Variants in GK5 observed in about 807,000 individuals in gnomAD.
The protein encoded by GK5 is glycerol kinase 5, also known as ATP:glycerol 3-phosphotransferase 5.
Under a neutral mutation model 77.3 loss-of-function variants are expected in GK5, and 39 were observed. The ratio of observed to expected loss-of-function variants is 0.50; its 90% confidence interval spans 0.39 to 0.66. The LOEUF (loss-of-function observed/expected upper bound fraction) is 0.66. GK5 is among the 30% of genes least tolerant of loss of function. GK5 has a pLI of 0.00. For synonymous variants in GK5, 211 were observed against 208.0 expected (o/e 1.01, Z -0.13); for missense variants, 487 against 633.8 (o/e 0.77, Z 2.49).
rs372357953 is a variant in GK5 at position 142,188,306 on chromosome 3, C to T, written c.544-527G>A. ...CAGCACTTTGGGAGGCCGAGGCGGG[C>T]GGATCATGAGGTCAGGAGATTGAGA... On this transcript the variant is annotated intron_variant, in intron 5 of 15. Coordinates refer to ENST00000392993, the MANE Select transcript of GK5 (RefSeq NM_001039547.3). 4.1e-4 allele frequency among the ~76,000 whole-genome samples: 63 copies of T among 152,058 alleles called. 1 individual carries two copies. In the East Asian group the frequency reaches 9.3e-3, roughly 23 times the overall value.
chr3:142,200,262 A>C (rs184308757), intron 4 of GK5, among the ~76,000 whole-genome samples: 1 of 152,150 alleles, frequency 6.6e-6, no homozygotes, highest in Admixed American at 6.5e-5. Flanking sequence ...TCTGCCTCCC[A>C]GGTTCAAGCA....
Position 142,183,022 on chromosome 3 carries a change from C to T in GK5, c.844G>A (p.Gly282Arg). 1.2e-6 allele frequency: 2 copies of T among 1,613,968 alleles called. No individual in the cohort carries two copies. The change falls in exon 10 of 16, where the codon GGA becomes AGA. Residue 282 changes from glycine to arginine, a missense_variant. By Grantham distance (125) the Gly-to-Arg change is moderately radical. Transcript: ENST00000392993. ...LVADQQSAMF[G>R]ECCFQTGDVK... is the part of the protein sequence containing the mutation. Reference sequence around the variant, plus strand: ...TCACCTGTCTGGAAGCAGCACTCTCCAAACATGGCTGATTGCTGGTCAGCA... The same window carrying T: ...TCACCTGTCTGGAAGCAGCACTCTCTAAACATGGCTGATTGCTGGTCAGCA...
intron 5 of GK5, among the ~76,000 whole-genome samples, chr3:142,194,743 C>G (rs766279679): frequency 6.6e-6 from 1 of 151,192 alleles, no homozygotes; most frequent in Non-Finnish European, 1.5e-5. Context: ...TTACTAAACT[C>G]ATTTATAATA....
chr3:142,224,861 T>G (rs2064405014), intron 1 of GK5, among the ~76,000 whole-genome samples: 1 of 152,130 alleles, frequency 6.6e-6, no homozygotes, highest in Non-Finnish European at 1.5e-5. Context: ...AGAAAAAAAG[T>G]TTTGAAAAAT....
At chr3:142,222,503 T>G (rs1382439954) in intron 1 of GK5, among the ~76,000 whole-genome samples, 1 of 151,626 alleles carries the variant, frequency 6.6e-6, no homozygotes, top group African/African-American at 2.4e-5. Flanking sequence ...AGGCGGAGCT[T>G]GCAGTGAATC....
intron 6 of GK5, among the ~76,000 whole-genome samples, chr3:142,187,299 G>A (rs1462897100): frequency 6.6e-6 from 1 of 151,488 alleles, no homozygotes; most frequent in Non-Finnish European, 1.5e-5. Context: ...AGTACAGGAA[G>A]GGGGAAAAAA....
At chr3:142,217,548 A>G (rs976859304) in intron 1 of GK5, among the ~76,000 whole-genome samples, 2 of 152,156 alleles carry the variant, frequency 1.3e-5, no homozygotes, top group Admixed American at 6.5e-5. Flanking sequence ...ATATTTGTTT[A>G]ATCAGGGGTC....
intron 15 of GK5, among the ~76,000 whole-genome samples, chr3:142,168,348 T>C (rs2063496903): frequency 6.6e-6 from 1 of 151,922 alleles, no homozygotes; most frequent in Non-Finnish European, 1.5e-5. Context: ...GCAAATGGGA[T>C]TGATTAAGGG....
intron 9 of GK5, among the ~76,000 whole-genome samples, chr3:142,184,309 AC>A (rs1486103102): frequency 1.3e-5 from 2 of 149,286 alleles, no homozygotes; most frequent in Non-Finnish European, 3.0e-5. Flanking sequence ...AAAAATGATA[AC>A]CAAAAAAAAA....
chr3:142,159,851 C>CTTTTTTTTTTTTT lies in GK5; in HGVS notation c.*5770_*5771insAAAAAAAAAAAAA, dbSNP rs1342546449. Reference sequence around the variant, plus strand: ...GCTTTCTCTCTCTCTCTCTCTCTCTCTCTTTTTTTTTTTTGAGACAGAGTC... The same window carrying CTTTTTTTTTTTTT: ...GCTTTCTCTCTCTCTCTCTCTCTCTCTTTTTTTTTTTTTTCTTTTTTTTTTTTGAGACAGAGTC... On this transcript the variant is annotated 3_prime_UTR_variant, in exon 16 of 16. Coordinates refer to ENST00000392993, the MANE Select transcript of GK5 (RefSeq NM_001039547.3). 1 of 86,978 alleles carries CTTTTTTTTTTTTT rather than the reference C, an allele frequency of 1.1e-5. No individual in the cohort carries two copies. Among genetic ancestry groups the CTTTTTTTTTTTTT allele is most frequent in the Admixed American group, 1.1e-4 (1 of 9,068 alleles). The allele number at this position is 86,978 out of a possible 1,614,324, so 5.4% of individuals were successfully genotyped here.
intron 3 of GK5, among the ~76,000 whole-genome samples, chr3:142,210,569 T>C (rs756828104): frequency 1.3e-5 from 2 of 152,152 alleles, no homozygotes; most frequent in Non-Finnish European, 2.9e-5. Flanking sequence ...ATATCCACTA[T>C]TTCAGTTTCT....
At position 142,159,597 on chromosome 3, in the gene GK5, C is replaced by T. The variant is rs1484519592; in HGVS notation, c.*6025G>A. 9.3e-5 allele frequency: 14 copies of T among 150,382 alleles called. No homozygotes were observed. 9.3% of individuals were successfully genotyped at this position (150,382 alleles called of 1,614,324 possible). A position where few individuals can be genotyped will look rare whatever the true frequency, so the allele number is the denominator to read the frequency against. ...ACTTAGGTGCCAATAGATGCTGGTG[C>T]CAAAATATTTATGGCTATGAGGCTT... On this transcript the variant is annotated 3_prime_UTR_variant, in exon 16 of 16. Transcript: ENST00000392993.
chr3:142,221,808 T>C (rs1167110859), intron 1 of GK5, among the ~76,000 whole-genome samples: 2 of 152,188 alleles, frequency 1.3e-5, no homozygotes, highest in African/African-American at 4.8e-5. Context: ...CTAAGAAAGA[T>C]TTTTTAAAAA....
chr3:142,177,845 T>TA (rs2063638584), intron 11 of GK5, among the ~76,000 whole-genome samples: 1 of 150,518 alleles, frequency 6.6e-6, no homozygotes, highest in African/African-American at 2.5e-5. Context: ...CAGCAGGACT[T>TA]ACGTTTTTTT....
At chr3:142,225,266 G>A in intron 1 of GK5, 43 bp downstream of exon 1, 2 of 1,493,130 alleles carry the variant, frequency 1.3e-6, no homozygotes, top group South Asian at 1.3e-5. Flanking sequence ...GGGACTCAGC[G>A]AAACCCAGTC....
chr3:142,187,835 G>T, intron 5 of GK5, 56 bp from the exon 6 acceptor site: 1 of 1,225,320 alleles, frequency 8.2e-7, no homozygotes, highest in Non-Finnish European at 1.2e-6. Context: ...CTAAGTGCAT[G>T]ATTAAATGCA....
chr3:142,175,823 A>G (rs1162980914), intron 12 of GK5, among the ~76,000 whole-genome samples: 7 of 148,648 alleles, frequency 4.7e-5, no homozygotes, highest in African/African-American at 1.7e-4. Context: ...TTAAAAAAAT[A>G]TACTTTATAT....
At chr3:142,165,921 G>C in intron 15 of GK5, 151 bp from the exon 16 acceptor site, 1 of 550,350 alleles carries the variant, frequency 1.8e-6, no homozygotes. Context: ...AATTTTGTTA[G>C]ATCGATCATT....
intron 3 of GK5, among the ~76,000 whole-genome samples, chr3:142,212,676 C>A (rs1326990038): frequency 6.6e-6 from 1 of 152,194 alleles, no homozygotes; most frequent in African/African-American, 2.4e-5. Flanking sequence ...CAACTTATTT[C>A]TCTGTAAAAA....
Sources: gnomAD v4.1 joint callset for allele counts (sites outside exome capture counted in the v4.1 genomes callset) on GRCh38, gnomAD v4.1.1 for gene constraint, MANE v1.5 for transcripts, NCBI Gene and HGNC (gene_info 2026-07-23, HGNC 2026-07-21) for gene names.